NPAS3: variants seen among roughly 807,000 people sequenced by gnomAD.
The protein encoded by NPAS3 is neuronal PAS domain-containing protein 3.
In NPAS3, 14 loss-of-function variants were observed where a neutral mutation model predicts 73.1. The ratio of observed to expected loss-of-function variants is 0.19; its 90% CI spans 0.13 to 0.30. NPAS3 has a LOEUF of 0.30. NPAS3 is among the 10% of genes least tolerant of loss of function. The probability of loss-of-function intolerance (pLI) is 1.00; values close to 1 mark genes in which losing one functional copy is unlikely to be tolerated. For synonymous variants in NPAS3, 620 were observed against 541.5 expected, an observed-to-expected ratio of 1.14 and a Z score of -2.01; for missense variants, 1,096 against 1,250.0, an observed-to-expected ratio of 0.88 and a Z score of 1.86.
At chr14:33,227,138 C>T (rs185173911) in intron 3 of NPAS3, among the ~76,000 whole-genome samples, 14 of 152,204 alleles carry the variant, frequency 9.2e-5, no homozygotes, top group Middle Eastern at 3.4e-3. Context: ...TTCTCAGGGA[C>T]GTTTGTAAAG....
intron 6 of NPAS3, among the ~76,000 whole-genome samples, chr14:33,727,551 G>C (rs907328170): frequency 4.6e-5 from 7 of 151,358 alleles, no homozygotes; most frequent in Admixed American, 4.6e-4. Flanking sequence ...TTGTTATTTT[G>C]TATTGTAGTA....
At chr14:33,567,350 C>T (rs1398367778) in intron 5 of NPAS3, among the ~76,000 whole-genome samples, 1 of 152,216 alleles carries the variant, frequency 6.6e-6, no homozygotes, top group African/African-American at 2.4e-5. Flanking sequence ...AACACTCATT[C>T]CAGATTCAGA....
At chr14:33,321,727 G>A (rs2043456917) in intron 3 of NPAS3, among the ~76,000 whole-genome samples, 2 of 151,986 alleles carry the variant, frequency 1.3e-5, no homozygotes, top group African/African-American at 4.8e-5. Context: ...TGAGCACAAA[G>A]TAGGTGCTCA....
At position 33,800,984 on chromosome 14, in the gene NPAS3, A is replaced by G. The variant is rs768169578; in HGVS notation, c.2677A>G (p.Ser893Gly). 6.3e-7 allele frequency: 1 copy of G among 1,590,106 alleles called. No individual in the cohort carries two copies. Among genetic ancestry groups the G allele is most frequent in the South Asian group, 1.1e-5 (1 of 87,588 alleles). Reference sequence around the variant, plus strand: ...GTTCGGCGGCGCAGTGAGCGCAGCTAGCCTGACGCAGATGCCCGCCGGCAA... The same window carrying G: ...GTTCGGCGGCGCAGTGAGCGCAGCTGGCCTGACGCAGATGCCCGCCGGCAA... Residue 893 changes from serine (S) to glycine (G), a missense_variant, in exon 12 of 12, where the codon AGC (serine) becomes GGC (glycine). This residue lies in a region of NPAS3 where 698 missense variants were observed against 676.7 expected (regional missense o/e 1.03). Coordinates refer to ENST00000356141, the Ensembl canonical transcript of NPAS3. The surrounding 1 kb of genome is among the most constrained non-coding windows in gnomAD (Gnocchi z 6.5).
chr14:33,333,454 A>T (rs1196936914), intron 3 of NPAS3, among the ~76,000 whole-genome samples: 1 of 152,206 alleles, frequency 6.6e-6, no homozygotes, highest in Non-Finnish European at 1.5e-5. Flanking sequence ...TGCAAACCTT[A>T]TGAAGTAAGT....
chr14:33,673,608 G>GC (rs1319578945), intron 5 of NPAS3, among the ~76,000 whole-genome samples: 1 of 152,202 alleles, frequency 6.6e-6, no homozygotes, highest in African/African-American at 2.4e-5. Context: ...CTTCTGCATA[G>GC]TTTCACTAGA....
chr14:33,029,739 A>G (rs2039926414), intron 1 of NPAS3, among the ~76,000 whole-genome samples: 1 of 152,214 alleles, frequency 6.6e-6, no homozygotes, highest in Non-Finnish European at 1.5e-5. Context: ...GTGAGGGAGT[A>G]TTACTGGCAT....
At chr14:33,440,129 A>G (rs2049178201) in intron 4 of NPAS3, among the ~76,000 whole-genome samples, 2 of 151,012 alleles carry the variant, frequency 1.3e-5, no homozygotes, top group African/African-American at 4.8e-5. Context: ...AAAAAAAAAA[A>G]AAGAAAAAAG....
At chr14:33,466,678 G>T (rs1186625556) in intron 4 of NPAS3, among the ~76,000 whole-genome samples, 1 of 152,128 alleles carries the variant, frequency 6.6e-6, no homozygotes, top group Admixed American at 6.5e-5. Flanking sequence ...TTACAATCGT[G>T]GTGGAAGGCA....
At chr14:33,491,578 G>C (rs2051901218) in intron 4 of NPAS3, among the ~76,000 whole-genome samples, 2 of 152,112 alleles carry the variant, frequency 1.3e-5, no homozygotes, top group Non-Finnish European at 2.9e-5. Flanking sequence ...GGCAAATATG[G>C]TTGGTAGCTA....
chr14:33,197,074 A>T (rs1351412131), intron 2 of NPAS3, among the ~76,000 whole-genome samples: 1 of 152,212 alleles, frequency 6.6e-6, no homozygotes, highest in East Asian at 1.9e-4. Context: ...TGACATGAGC[A>T]AATCACTTGC....
chr14:33,510,707 A>G (rs2053007717), intron 4 of NPAS3, among the ~76,000 whole-genome samples: 1 of 152,020 alleles, frequency 6.6e-6, no homozygotes, highest in African/African-American at 2.4e-5. Flanking sequence ...AAATTCTTAC[A>G]TTGACTTTTT....
At chr14:33,434,701 C>T (rs182954123) in intron 4 of NPAS3, among the ~76,000 whole-genome samples, 120 of 152,198 alleles carry the variant, frequency 7.9e-4, no homozygotes, top group African/African-American at 2.7e-3. Flanking sequence ...CTACATAAAG[C>T]TTTGTGTTAG....
intron 4 of NPAS3, among the ~76,000 whole-genome samples, chr14:33,442,496 TC>T (rs1276269094): frequency 2.0e-5 from 3 of 152,190 alleles, no homozygotes; most frequent in Non-Finnish European, 4.4e-5. Flanking sequence ...GAATTGTAGT[TC>T]CCATAATCCG....
chr14:33,343,249 A>G (rs2044570475), intron 3 of NPAS3, among the ~76,000 whole-genome samples: 1 of 152,092 alleles, frequency 6.6e-6, no homozygotes, highest in African/African-American at 2.4e-5. Flanking sequence ...CTCTATTGAA[A>G]TGAGTCAGGG....
At chr14:33,684,707 G>C (rs2060038482) in intron 6 of NPAS3, among the ~76,000 whole-genome samples, 1 of 152,174 alleles carries the variant, frequency 6.6e-6, no homozygotes, top group African/African-American at 2.4e-5. Flanking sequence ...GTCTGCATCA[G>C]CCATAGGCCT....
chr14:33,374,054 G>T (rs2046213308), intron 4 of NPAS3, among the ~76,000 whole-genome samples: 2 of 152,114 alleles, frequency 1.3e-5, no homozygotes, highest in Admixed American at 1.3e-4. Flanking sequence ...GAACAGTTTT[G>T]TTAAGGTATG....
intron 4 of NPAS3, among the ~76,000 whole-genome samples, chr14:33,558,516 T>C (rs1451355809): frequency 6.6e-6 from 1 of 152,118 alleles, no homozygotes; most frequent in Non-Finnish European, 1.5e-5. Context: ...AACCTTGGCT[T>C]CCCAAAGTGC....
chr14:33,481,886 A>T (rs1377652757), intron 4 of NPAS3, among the ~76,000 whole-genome samples: 1 of 152,140 alleles, frequency 6.6e-6, no homozygotes, highest in African/African-American at 2.4e-5. Context: ...TTTAACAAAC[A>T]TAATGAGTTC....
Sources: allele counts gnomAD v4.1 joint callset (sites outside exome capture counted in the v4.1 genomes callset), GRCh38; gene constraint gnomAD v4.1.1; regional missense constraint gnomAD v4.1.1; non-coding constraint Gnocchi (gnomAD v3.1); transcripts MANE v1.5; gene names NCBI Gene and HGNC (gene_info 2026-07-23, HGNC 2026-07-21).